The following FOCAD variants were observed in gnomAD, a reference collection of about 807,000 sequenced individuals.
The protein encoded by FOCAD is focadhesin, also known as KIAA1797.
A neutral mutation model predicts 225.6 loss-of-function variants in FOCAD; 198 were observed. The observed-to-expected ratio is 0.88, with a 90% CI of 0.78 to 0.99. The LOEUF (loss-of-function observed/expected upper bound fraction) is 0.99. FOCAD is among the 50% of genes least tolerant of loss of function. FOCAD has a pLI of 0.00. For synonymous variants in FOCAD, 897 were observed against 755.0 expected (o/e 1.19, Z -3.08); for missense variants, 2,713 against 2,123.6 (o/e 1.28, Z -5.46).
chr9:20,801,353 A>C (rs1005607326), intron 11 of FOCAD, among the ~76,000 whole-genome samples: 10 of 152,180 alleles, frequency 6.6e-5, no homozygotes, highest in African/African-American at 2.4e-4. Flanking sequence ...TTTGGCCATT[A>C]TCAGTTCAAG....
intron 24 of FOCAD, among the ~76,000 whole-genome samples, chr9:20,919,217 G>A (rs539068055): frequency 6.6e-6 from 1 of 152,228 alleles, no homozygotes; most frequent in African/African-American, 2.4e-5. Context: ...ATTCACAATT[G>A]CTTCAAAGAG....
chr9:20,856,269 C>T (rs1425944564), intron 15 of FOCAD, among the ~76,000 whole-genome samples: 2 of 151,656 alleles, frequency 1.3e-5, no homozygotes, highest in South Asian at 2.1e-4. Context: ...CATTATTGCC[C>T]GTCATTTGGA....
rs546724458 is a variant in FOCAD at position 20,791,378 on chromosome 9, A to G, written c.1455+1770A>G. Among the ~76,000 whole-genome samples, 3 of 152,256 alleles carry G rather than the reference A, an allele frequency of 2.0e-5. No individual in the cohort carries two copies. In the East Asian group the frequency reaches 5.8e-4, roughly 29 times the overall value. ...TCCCAATTAATAATTGTACATACTT[A>G]TGGGATACAGAGTGATATTTTGATA... On this transcript the variant is annotated intron_variant, in intron 11 of 43. Coordinates refer to ENST00000338382, the MANE Select transcript of FOCAD (RefSeq NM_001375567.1).
intron 28 of FOCAD, among the ~76,000 whole-genome samples, chr9:20,941,015 G>C (rs1382464639): frequency 6.6e-6 from 1 of 151,824 alleles, no homozygotes; most frequent in African/African-American, 2.4e-5. Context: ...AGACCTGAAA[G>C]CCTGACTCAT....
chr9:20,757,548 A>G (rs1829165802), intron 5 of FOCAD, among the ~76,000 whole-genome samples: 1 of 152,200 alleles, frequency 6.6e-6, no homozygotes, highest in African/African-American at 2.4e-5. Flanking sequence ...AGTTGTTAAG[A>G]TGGAAGGAAT....
chr9:20,855,331 G>C (rs1440315673), intron 15 of FOCAD, among the ~76,000 whole-genome samples: 1 of 151,630 alleles, frequency 6.6e-6, no homozygotes, highest in African/African-American at 2.4e-5. Context: ...TAGCAGAAGA[G>C]ATGAGACTGG....
chr9:20,896,667 A>G (rs1832115177), intron 21 of FOCAD, among the ~76,000 whole-genome samples: 1 of 151,748 alleles, frequency 6.6e-6, no homozygotes, highest in Non-Finnish European at 1.5e-5. Context: ...TATATATATT[A>G]TTTCCTTATT....
intron 4 of FOCAD, among the ~76,000 whole-genome samples, chr9:20,725,650 C>G (rs1458915385): frequency 6.6e-6 from 1 of 152,184 alleles, no homozygotes; most frequent in African/African-American, 2.4e-5. Context: ...TCCTTTGGAA[C>G]ACGTATGGAA....
intron 4 of FOCAD, among the ~76,000 whole-genome samples, chr9:20,732,924 G>C (rs1329334773): frequency 6.6e-6 from 1 of 152,170 alleles, no homozygotes; most frequent in Non-Finnish European, 1.5e-5. Flanking sequence ...TGTCGGGGGA[G>C]AGCATGGGTT....
At chr9:20,830,076 T>C (rs1825333426) in intron 15 of FOCAD, among the ~76,000 whole-genome samples, 1 of 152,096 alleles carries the variant, frequency 6.6e-6, no homozygotes, top group South Asian at 2.1e-4. Context: ...AGGTCTGTCT[T>C]AATACAGTTT....
intron 19 of FOCAD, among the ~76,000 whole-genome samples, chr9:20,876,628 T>A (rs1408123480): frequency 1.3e-5 from 2 of 152,170 alleles, no homozygotes; most frequent in African/African-American, 4.8e-5. Flanking sequence ...TTGAGTGAGG[T>A]GGGTGATCTA....
At chr9:20,950,963 C>G in intron 33 of FOCAD, 33 bp from the exon 34 acceptor site, 1 of 1,553,352 alleles carries the variant, frequency 6.4e-7, no homozygotes, top group Non-Finnish European at 8.9e-7. Context: ...TGGATCTTAT[C>G]CCATCATTGA....
chr9:20,994,775 T>C (rs1028525322), intron 43 of FOCAD, among the ~76,000 whole-genome samples: 26 of 152,162 alleles, frequency 1.7e-4, no homozygotes, highest in African/African-American at 5.6e-4. Context: ...TCCAAAGATA[T>C]ACCCTCTTAG....
chr9:20,837,164 G>T (rs541965788), intron 15 of FOCAD, among the ~76,000 whole-genome samples: 13 of 152,018 alleles, frequency 8.6e-5, no homozygotes, highest in Non-Finnish European at 1.6e-4. Context: ...CCATTTTGGG[G>T]GTTTATTTTG....
rs1219633897 is a variant in FOCAD, at chr9:20,789,507, G to C, written c.1354G>C (p.Ala452Pro). The C allele has an allele frequency of 6.2e-7, 1 of 1,613,968 alleles. No homozygotes were observed. The highest frequency in any genetic ancestry group is 1.7e-5 in the Admixed American group (1 of 59,948). The change falls in exon 11 of 44, where the codon GCC (alanine) becomes CCC (proline). Residue 452 changes from alanine to proline, a missense_variant. Physicochemically the swap from Ala to Pro is conservative, Grantham distance 27. Coordinates refer to ENST00000338382, the MANE Select transcript of FOCAD (RefSeq NM_001375567.1). ...LPITAVIPAPAFLLLAHLLVE... is the reference protein window; with the variant it reads ...LPITAVIPAPPFLLLAHLLVE... ...TATTACTGCTGTGATCCCTGCGCCT[G>C]CCTTTCTTCTGCTGGCTCACCTCCT...
At chr9:20,860,379 C>T (rs1828656139) in intron 15 of FOCAD, among the ~76,000 whole-genome samples, 1 of 152,162 alleles carries the variant, frequency 6.6e-6, no homozygotes, top group Admixed American at 6.5e-5. Context: ...ACTTACAGTT[C>T]CATGTGGCTG....
chr9:20,797,773 A>G (rs1411075331), intron 11 of FOCAD, among the ~76,000 whole-genome samples: 1 of 152,164 alleles, frequency 6.6e-6, no homozygotes, highest in Non-Finnish European at 1.5e-5. Flanking sequence ...TTCTAGATAT[A>G]CAATCATGCC....
chr9:20,826,672 T>C (rs1824924243), intron 15 of FOCAD, among the ~76,000 whole-genome samples: 2 of 152,090 alleles, frequency 1.3e-5, no homozygotes, highest in South Asian at 4.1e-4. Flanking sequence ...TTTTATGATA[T>C]AGGGGTTGTA....
intron 5 of FOCAD, among the ~76,000 whole-genome samples, 189 bp from the exon 6 acceptor site, chr9:20,757,901 G>T (rs1400108240): frequency 1.3e-5 from 2 of 152,150 alleles, no homozygotes; most frequent in Non-Finnish European, 1.5e-5. Flanking sequence ...TTAGGAAAAG[G>T]CAGGGGGGAG....
Sources: allele counts gnomAD v4.1 joint callset (sites outside exome capture counted in the v4.1 genomes callset), GRCh38; gene constraint gnomAD v4.1.1; transcripts MANE v1.5; gene names NCBI Gene and HGNC (gene_info 2026-07-23, HGNC 2026-07-21).